LRRTM4: variants seen among roughly 807,000 people sequenced by gnomAD.
LRRTM4 encodes the protein leucine-rich repeat transmembrane neuronal protein 4.
Under a neutral mutation model 47.6 loss-of-function variants are expected in LRRTM4, and 25 were observed. The ratio of observed to expected loss-of-function variants is 0.53; its 90% CI spans 0.38 to 0.73. The LOEUF (loss-of-function observed/expected upper bound fraction) is 0.73. Ranked by LOEUF, LRRTM4 falls within the 30% of genes least tolerant of loss-of-function variation. The probability of loss-of-function intolerance (pLI) is 0.00; values close to 1 mark genes in which losing one functional copy is unlikely to be tolerated. For missense variants in LRRTM4, 638 were observed against 713.4 expected (o/e 0.89, Z 1.20); for synonymous variants, 311 against 269.5 (o/e 1.15, Z -1.51).
chr2:77,019,980 G>A (rs1437587124), intron 3 of LRRTM4, among the ~76,000 whole-genome samples: 2 of 151,982 alleles, frequency 1.3e-5, no homozygotes, highest in East Asian at 1.9e-4. Context: ...ATGGTGACCT[G>A]TGTTTTTTGA....
At chr2:77,253,793 TAAA>T (rs1182633064) in intron 3 of LRRTM4, among the ~76,000 whole-genome samples, 1 of 151,170 alleles carries the variant, frequency 6.6e-6, no homozygotes, top group Non-Finnish European at 1.5e-5. Context: ...CTTCATTTTT[TAAA>T]AAAATTTTAT....
chr2:77,253,162 C>A (rs1675668910), intron 3 of LRRTM4, among the ~76,000 whole-genome samples: 1 of 152,152 alleles, frequency 6.6e-6, no homozygotes, highest in Non-Finnish European at 1.5e-5. Flanking sequence ...TAAAACATGG[C>A]TATTAGTCCT....
At chr2:77,425,909 G>A (rs1449534881) in intron 3 of LRRTM4, among the ~76,000 whole-genome samples, 2 of 151,820 alleles carry the variant, frequency 1.3e-5, no homozygotes, top group African/African-American at 4.8e-5. Flanking sequence ...TTGAGACCAG[G>A]TATTTGAGAC....
intron 3 of LRRTM4, among the ~76,000 whole-genome samples, chr2:77,151,442 G>A (rs143085940): frequency 6.6e-6 from 1 of 152,020 alleles, no homozygotes; most frequent in Non-Finnish European, 1.5e-5. Context: ...ATCCACTTTT[G>A]GTTATATTTC....
chr2:76,768,784 T>A (rs1673559328), intron 3 of LRRTM4, among the ~76,000 whole-genome samples: 1 of 152,164 alleles, frequency 6.6e-6, no homozygotes, highest in African/African-American at 2.4e-5. Flanking sequence ...TCACTAGGCA[T>A]TGCGGAGACT....
chr2:77,357,381 T>C (rs1672007497), intron 3 of LRRTM4, among the ~76,000 whole-genome samples: 3 of 152,182 alleles, frequency 2.0e-5, no homozygotes, highest in Admixed American at 6.5e-5. Context: ...GAACATTCTA[T>C]AGAAAATACA....
At chr2:77,175,248 G>A (rs963930087) in intron 3 of LRRTM4, among the ~76,000 whole-genome samples, 22 of 151,588 alleles carry the variant, frequency 1.5e-4, no homozygotes, top group Admixed American at 9.2e-4. Flanking sequence ...GCTGAGTCTC[G>A]GGAGAAGCTG....
intron 3 of LRRTM4, among the ~76,000 whole-genome samples, chr2:76,901,601 T>C (rs532023701): frequency 2.0e-5 from 3 of 151,942 alleles, no homozygotes; most frequent in African/African-American, 7.3e-5. Flanking sequence ...TAAAAAAAAA[T>C]TTTTAAAGAC....
intron 3 of LRRTM4, among the ~76,000 whole-genome samples, chr2:77,310,803 T>G (rs1228644340): frequency 6.6e-6 from 1 of 152,108 alleles, no homozygotes; most frequent in African/African-American, 2.4e-5. Context: ...TACTGAGCAC[T>G]GCAGCACTGG....
At chr2:77,442,775 G>A (rs1294271084) in intron 3 of LRRTM4, among the ~76,000 whole-genome samples, 3 of 152,156 alleles carry the variant, frequency 2.0e-5, no homozygotes, top group Non-Finnish European at 1.5e-5. Context: ...AGGCTATGTA[G>A]AGAAGACCAA....
intron 3 of LRRTM4, among the ~76,000 whole-genome samples, chr2:77,235,089 T>C (rs1216191396): frequency 5.3e-5 from 8 of 152,192 alleles, no homozygotes. Context: ...TGCATAGCAT[T>C]CTATGGTGGA....
At chr2:77,485,205 T>C (rs1677860988) in intron 3 of LRRTM4, among the ~76,000 whole-genome samples, 3 of 152,108 alleles carry the variant, frequency 2.0e-5, no homozygotes, top group Admixed American at 2.0e-4. Context: ...CAAATTCAAA[T>C]GTGGAGAATA....
chr2:77,377,442 C>G (rs1304957185), intron 3 of LRRTM4, among the ~76,000 whole-genome samples: 1 of 151,860 alleles, frequency 6.6e-6, no homozygotes, highest in African/African-American at 2.4e-5. Flanking sequence ...GGAATACTTA[C>G]ACTATTCTTG....
chr2:76,989,798 A>G lies in LRRTM4; in HGVS notation c.1552-240882T>C, dbSNP rs529512952. 1.4e-4 allele frequency: 22 copies of G among 151,892 alleles called. No individual in the cohort carries two copies. In the East Asian group the frequency reaches 4.3e-3, roughly 29 times the overall value. 9.4% of individuals were successfully genotyped at this position (151,892 alleles called of 1,614,324 possible). ...AAAAGTATTTCTATAATGTTTCTAA[A>G]CTTCTTTTTTTCCATCTTAAAGTAT... is the stretch of plus-strand genomic sequence containing the variant. On this transcript the variant is annotated intron_variant, in intron 3 of 3. Transcript: ENST00000409884.
chr2:76,942,794 G>T (rs1185215318), intron 3 of LRRTM4, among the ~76,000 whole-genome samples: 1 of 151,870 alleles, frequency 6.6e-6, no homozygotes, highest in Non-Finnish European at 1.5e-5. Context: ...GTGGGGAATA[G>T]TAGGTACTAA....
At chr2:77,272,578 T>C in intron 3 of LRRTM4, among the ~76,000 whole-genome samples, 1 of 152,182 alleles carries the variant, frequency 6.6e-6, no homozygotes, top group Non-Finnish European at 1.5e-5. Flanking sequence ...TAGAGATTGC[T>C]ATAGTTTGGA....
intron 3 of LRRTM4, among the ~76,000 whole-genome samples, chr2:77,183,632 G>A (rs1052778309): frequency 2.6e-5 from 4 of 152,086 alleles, no homozygotes; most frequent in South Asian, 4.2e-4. Flanking sequence ...ACATGCACAC[G>A]TATGTTTATT....
At chr2:77,259,649 C>T (rs1037504340) in intron 3 of LRRTM4, among the ~76,000 whole-genome samples, 1 of 151,838 alleles carries the variant, frequency 6.6e-6, no homozygotes, top group Non-Finnish European at 1.5e-5. Context: ...GTAGGCACAC[C>T]CTTTCCAAAG....
At chr2:76,997,525 C>A (rs545918626) in intron 3 of LRRTM4, among the ~76,000 whole-genome samples, 1 of 152,166 alleles carries the variant, frequency 6.6e-6, no homozygotes, top group East Asian at 1.9e-4. Context: ...ATGAGATCCA[C>A]CAAAGCTCAA....
Sources: gnomAD v4.1 joint callset for allele counts (sites outside exome capture counted in the v4.1 genomes callset) on GRCh38, gnomAD v4.1.1 for gene constraint, MANE v1.5 for transcripts, NCBI Gene and HGNC (gene_info 2026-07-23, HGNC 2026-07-21) for gene names.